Variants in ATL3 observed in about 807,000 individuals in gnomAD.
ATL3 encodes the protein atlastin GTPase 3.
A neutral mutation model predicts 69.5 loss-of-function variants in ATL3; 49 were observed. The ratio of observed to expected loss-of-function variants is 0.71; its 90% confidence interval spans 0.56 to 0.89. The LOEUF is 0.89. Among genes scored for constraint, ATL3 ranks in the 40% least tolerant of loss-of-function variants. ATL3 has a pLI of 0.00. For missense variants in ATL3, 606 were observed against 645.7 expected (o/e 0.94, Z 0.67); for synonymous variants, 214 against 224.1 (o/e 0.95, Z 0.40).
At chr11:63,647,607 T>A (rs1446624738) in intron 5 of ATL3, among the ~76,000 whole-genome samples, 1 of 152,252 alleles carries the variant, frequency 6.6e-6, no homozygotes, top group Non-Finnish European at 1.5e-5. Context: ...GGAATATTTG[T>A]CTGTTTTGTG....
rs751442965 is a variant in ATL3 at position 63,627,774 on chromosome 11, T to C, written c.*1545A>G. On this transcript the variant is annotated 3_prime_UTR_variant, in exon 13 of 13. Transcript: ENST00000398868. ...ATCAAGGTAAATAGAAAAAAAGAAC[T>C]CTTAGATACTTCTAGATATTTTTTA... 6.6e-6 allele frequency: 1 copy of C among 152,202 alleles called. No homozygotes were observed. Among genetic ancestry groups the C allele is most frequent in the Non-Finnish European group, 1.5e-5 (1 of 68,024 alleles). 9.4% of individuals were successfully genotyped at this position (152,202 alleles called of 1,614,324 possible).
intron 1 of ATL3, among the ~76,000 whole-genome samples, chr11:63,661,706 A>G (rs905596144): frequency 6.6e-6 from 1 of 152,070 alleles, no homozygotes; most frequent in Non-Finnish European, 1.5e-5. Flanking sequence ...CCTGACCAAC[A>G]TGGAGAAACC....
At chr11:63,641,269 A>G (rs1347989716) in intron 8 of ATL3, among the ~76,000 whole-genome samples, 1 of 152,222 alleles carries the variant, frequency 6.6e-6, no homozygotes, top group African/African-American at 2.4e-5. Context: ...TATAAATGTT[A>G]TATATGAAAC....
intron 3 of ATL3, among the ~76,000 whole-genome samples, chr11:63,654,718 GAC>G (rs1940187256): frequency 7.9e-6 from 1 of 127,230 alleles, no homozygotes; most frequent in South Asian, 2.5e-4. Flanking sequence ...TTTTTTTTGA[GAC>G]AGAGTTTTGC....
Position 63,629,422 on chromosome 11 carries a change from A to G in ATL3, c.1540-17T>C, listed in dbSNP as rs367694789. On this transcript the variant is annotated splice_polypyrimidine_tract_variant and intron_variant, in intron 12 of 12. Coordinates refer to ENST00000398868, the MANE Select transcript of ATL3 (RefSeq NM_015459.5). ...AGAAGAAGCCTGCAAAAGTCCATTT[A>G]TTCAACATATAAGTTAATAAAATAC... 105 of 1,605,978 alleles carry G rather than the reference A, an allele frequency of 6.5e-5. 1 individual carries two copies. The East Asian group carries it at 1.1e-3, about 17-fold the overall frequency.
intron 1 of ATL3, among the ~76,000 whole-genome samples, chr11:63,659,857 A>C (rs1451181989): frequency 2.6e-5 from 4 of 152,002 alleles, no homozygotes; most frequent in Admixed American, 2.6e-4. Flanking sequence ...GAATAACTTG[A>C]AACTGGGAGG....
chr11:63,671,492 A>G, upstream of ATL3: 2 of 1,457,434 alleles, frequency 1.4e-6, no homozygotes, highest in Non-Finnish European at 1.8e-6. Flanking sequence ...CGACGGAGCG[A>G]GCGCAGCGCG....
At chr11:63,644,116 GAA>G in intron 7 of ATL3, 51 bp downstream of exon 7, 5 of 1,230,512 alleles carry the variant, frequency 4.1e-6, no homozygotes, top group Non-Finnish European at 5.9e-6. Context: ...AAGCAAATGA[GAA>G]AGCTATCACT....
chr11:63,631,802 T>A (rs866182530), intron 11 of ATL3, among the ~76,000 whole-genome samples: 1 of 151,982 alleles, frequency 6.6e-6, no homozygotes, highest in South Asian at 2.1e-4. Flanking sequence ...GTAAACATGG[T>A]GAAACTCCGT....
At position 63,629,322 on chromosome 11, in the gene ATL3, T is replaced by C. The variant is rs1565266380; in HGVS notation, c.1623A>G (p.Gln541=). The change falls in exon 13 of 13, where the codon CAA becomes CAG. Residue 541 remains glutamine (Q), a synonymous_variant. Coordinates refer to ENST00000398868, the MANE Select transcript of ATL3 (RefSeq NM_015459.5). ...VGRPSMDKKA[Q] ...GTTTGATCTTCACGTTAAGATGCTA[T>C]TGAGCTTTTTTATCCATGGATGGTC... The C allele has an allele frequency of 6.2e-7, 1 of 1,613,662 alleles. No homozygotes were observed. Among genetic ancestry groups the C allele is most frequent in the Non-Finnish European group, 8.5e-7 (1 of 1,179,534 alleles).
chr11:63,665,096 C>T (rs1475321367), intron 1 of ATL3, among the ~76,000 whole-genome samples: 11 of 151,978 alleles, frequency 7.2e-5, no homozygotes, highest in African/African-American at 2.7e-4. Flanking sequence ...CCTGTCAATC[C>T]CAACACTGGA....
chr11:63,671,534 T>C (rs920019239), upstream of ATL3: 15 of 1,427,236 alleles, frequency 1.1e-5, no homozygotes, highest in Non-Finnish European at 1.3e-5. Context: ...GCCCGAGGCG[T>C]GGCGAGCGCA....
intron 8 of ATL3, among the ~76,000 whole-genome samples, chr11:63,640,962 G>C (rs1485217025): frequency 1.3e-5 from 2 of 152,160 alleles, no homozygotes; most frequent in Non-Finnish European, 2.9e-5. Context: ...CTAGAAGTGG[G>C]ATAGTGGATC....
At chr11:63,632,968 A>C (rs1939374575) in intron 11 of ATL3, 58 bp downstream of exon 11, 3 of 1,504,972 alleles carry the variant, frequency 2.0e-6, no homozygotes, top group Admixed American at 1.7e-5. Flanking sequence ...GGGCTTTTGA[A>C]GTCAGCAACA....
chr11:63,659,165 G>A lies in ATL3; in HGVS notation c.134C>T (p.Ala45Val). The A allele has an allele frequency of 6.2e-7, 1 of 1,614,036 alleles. No individual in the cohort carries two copies. The highest frequency in any genetic ancestry group is 2.2e-5 in the East Asian group (1 of 44,892). The stretch of plus-strand genomic sequence containing the variant: ...GTCCTGCAAGAGGATGCTGGCCAAG[G>A]CTTTCTCATCTAGCTCAAAGGAATG... The part of the protein sequence containing the change: ...DQHSFELDEK[A>V]LASILLQDHI... The change falls in exon 2 of 13, where the codon GCC becomes GTC. Residue 45 changes from alanine (A) to valine (V), a missense_variant. Coordinates refer to ENST00000398868, the MANE Select transcript of ATL3 (RefSeq NM_015459.5).
Position 63,636,187 on chromosome 11 carries a change from T to C in ATL3, c.978+20A>G, listed in dbSNP as rs1269833986. The C allele has an allele frequency of 1.3e-6, 2 of 1,596,726 alleles. No homozygotes were observed. The highest frequency in any genetic ancestry group is 1.7e-6 in the Non-Finnish European group (2 of 1,175,406). ...CTTTACCAAAAATCAAACATTTTAATAACTAAAACCCATATTTACCTTAAA... is the reference window on the plus strand; with the variant it reads ...CTTTACCAAAAATCAAACATTTTAACAACTAAAACCCATATTTACCTTAAA... On this transcript the variant is annotated intron_variant, in intron 9 of 12. Transcript: ENST00000398868.
At chr11:63,653,756 A>C (rs1289492415) in intron 3 of ATL3, among the ~76,000 whole-genome samples, 1 of 152,256 alleles carries the variant, frequency 6.6e-6, no homozygotes, top group Non-Finnish European at 1.5e-5. Context: ...TGCATATTGT[A>C]TGATTCTAAC....
intron 8 of ATL3, among the ~76,000 whole-genome samples, chr11:63,638,550 C>A (rs747961467): frequency 2.0e-5 from 3 of 152,006 alleles, no homozygotes; most frequent in African/African-American, 4.8e-5. Flanking sequence ...ACTAAAAACA[C>A]AAAAATTACC....
In ATL3 at chr11:63,671,279, C is replaced by T. The variant is rs766830061; in HGVS notation, c.46+11G>A. The T allele has an allele frequency of 2.5e-6, 4 of 1,578,354 alleles. No individual in the cohort carries two copies. Among genetic ancestry groups the T allele is most frequent in the Non-Finnish European group, 3.4e-6 (4 of 1,164,858 alleles). On this transcript the variant is annotated intron_variant, in intron 1 of 12. Coordinates refer to ENST00000398868, the MANE Select transcript of ATL3 (RefSeq NM_015459.5). ...GGCCGCGGGGCGATCCAGGGAAAAT[C>T]GGCGCCTCACCTGCTCCTCTTGAGG... is the stretch of plus-strand genomic sequence containing the variant.
Sources: gnomAD v4.1 joint callset for allele counts (sites outside exome capture counted in the v4.1 genomes callset) on GRCh38, gnomAD v4.1.1 for gene constraint, MANE v1.5 for transcripts, NCBI Gene and HGNC (gene_info 2026-07-23, HGNC 2026-07-21) for gene names.